ADRA1B: variants seen among roughly 807,000 people sequenced by gnomAD.
ADRA1B encodes alpha-1B adrenergic receptor.
ADRA1B carries 17 observed loss-of-function variants against 17.9 expected under a neutral mutation model. The observed-to-expected ratio is 0.95, with a 90% CI of 0.65 to 1.42. ADRA1B has a LOEUF of 1.42. ADRA1B is among the 40% of genes most tolerant of loss of function. The pLI, the probability that ADRA1B is intolerant of heterozygous loss-of-function variation, is 0.00. For synonymous variants in ADRA1B, 366 were observed against 327.6 expected (o/e 1.12, Z -1.27); for missense variants, 681 against 722.1 (o/e 0.94, Z 0.65).
chr5:159,900,645 A>C (rs1260748750), intron 1 of ADRA1B, among the ~76,000 whole-genome samples: 1 of 152,170 alleles, frequency 6.6e-6, no homozygotes, highest in African/African-American at 2.4e-5. Flanking sequence ...CCTGAGGGAG[A>C]GAGAGAGTCA....
At chr5:159,944,413 A>G (rs977177689) in intron 1 of ADRA1B, among the ~76,000 whole-genome samples, 4 of 152,264 alleles carry the variant, frequency 2.6e-5, no homozygotes, top group African/African-American at 4.8e-5. Flanking sequence ...GAAGTAGCAC[A>G]AGATCTCTGT....
At chr5:159,915,075 G>A (rs1183766469), upstream of ADRA1B, among the ~76,000 whole-genome samples, 1 of 152,196 alleles carries the variant, frequency 6.6e-6, no homozygotes, top group African/African-American at 2.4e-5. Flanking sequence ...CTCAATTCAT[G>A]GGAGTCCCTG....
At chr5:159,971,066 T>C (rs1385777782) in intron 1 of ADRA1B, among the ~76,000 whole-genome samples, 1 of 152,262 alleles carries the variant, frequency 6.6e-6, no homozygotes, top group Non-Finnish European at 1.5e-5. Context: ...TCTCCCAAAG[T>C]GCTGGGATTA....
intron 1 of ADRA1B, 88 bp downstream of exon 1, chr5:159,917,942 T>G (rs1754375954): frequency 1.8e-6 from 2 of 1,114,406 alleles, no homozygotes; most frequent in African/African-American, 3.1e-5. Context: ...TTGTGGGTTT[T>G]GTTTCTTATG....
chr5:159,981,507 T>C, the ADRA1B span, among the ~76,000 whole-genome samples: 8 of 152,326 alleles, frequency 5.3e-5, no homozygotes, highest in South Asian at 1.0e-3. Context: ...GTTTGTTTGC[T>C]TGTTTTAAGA....
intron 1 of ADRA1B, among the ~76,000 whole-genome samples, chr5:159,946,602 CA>C (rs1390876460): frequency 6.6e-6 from 1 of 152,166 alleles, no homozygotes; most frequent in Non-Finnish European, 1.5e-5. Flanking sequence ...TTTTCTAAAC[CA>C]AAAGTTGCAT....
intron 1 of ADRA1B, among the ~76,000 whole-genome samples, chr5:159,926,157 A>T (rs1462464539): frequency 1.3e-5 from 2 of 152,036 alleles, no homozygotes; most frequent in Admixed American, 1.3e-4. Flanking sequence ...TCCCAAATAC[A>T]CTTTGCATTT....
At chr5:159,987,552 C>G in the ADRA1B span, among the ~76,000 whole-genome samples, 1 of 152,250 alleles carries the variant, frequency 6.6e-6, no homozygotes, top group Non-Finnish European at 1.5e-5. Context: ...GCGCGCCACC[C>G]GCTGGCCAAC....
At chr5:159,910,154 A>G (rs764999208) in intron 1 of ADRA1B, among the ~76,000 whole-genome samples, 11 of 152,184 alleles carry the variant, frequency 7.2e-5, no homozygotes, top group Non-Finnish European at 1.5e-4. Context: ...TTCTTTGTTG[A>G]GTGTTTTTAC....
intron 1 of ADRA1B, among the ~76,000 whole-genome samples, chr5:159,925,202 A>G (rs142518602): frequency 6.6e-6 from 1 of 152,370 alleles, no homozygotes; most frequent in East Asian, 1.9e-4. Context: ...GCCAGAGTTT[A>G]TTCTAGAAGG....
upstream of ADRA1B, among the ~76,000 whole-genome samples, chr5:159,915,511 C>T (rs1024333317): frequency 2.1e-4 from 32 of 152,256 alleles, no homozygotes; most frequent in Non-Finnish European, 8.8e-5. Flanking sequence ...TTTGGGAGTG[C>T]GTCCCTGTGA....
At chr5:159,891,595 A>G (rs925329046) in intron 1 of ADRA1B, among the ~76,000 whole-genome samples, 30 of 152,134 alleles carry the variant, frequency 2.0e-4, no homozygotes, top group African/African-American at 7.0e-4. Context: ...CAGGAGCTGG[A>G]CGACTTGGAG....
intron 1 of ADRA1B, among the ~76,000 whole-genome samples, chr5:159,942,209 G>T (rs547571091): frequency 6.6e-6 from 1 of 152,070 alleles, no homozygotes; most frequent in Non-Finnish European, 1.5e-5. Flanking sequence ...GGCGTGAGCC[G>T]CCATGGCCGG....
At chr5:159,956,853 A>G in intron 1 of ADRA1B, among the ~76,000 whole-genome samples, 1 of 152,180 alleles carries the variant, frequency 6.6e-6, no homozygotes, top group East Asian at 1.9e-4. Context: ...CCACAAAAAT[A>G]TACCTAAAAT....
the ADRA1B span, among the ~76,000 whole-genome samples, chr5:159,985,039 G>A: frequency 1.3e-5 from 2 of 151,724 alleles, no homozygotes; most frequent in East Asian, 1.9e-4. Flanking sequence ...CTCCTCTTCC[G>A]ACACTACCCC....
intron 1 of ADRA1B, chr5:159,868,242 A>G (rs1248624467): frequency 3.9e-5 from 6 of 152,262 alleles, no homozygotes; most frequent in Admixed American, 2.0e-4. Context: ...TAAATTATGT[A>G]CAAATAAATC....
Position 159,956,693 on chromosome 5 carries a change from A to C in ADRA1B, c.950-15186A>C, listed in dbSNP as rs893780396. Among the ~76,000 whole-genome samples, 4 of 152,176 alleles carry C rather than the reference A, an allele frequency of 2.6e-5. No individual in the cohort carries two copies. In the South Asian group the frequency reaches 8.3e-4, roughly 32 times the overall value. ...ACGTAGGCTAAATTTCTGAATGTCA[A>C]ATACTTAGATCAAAAGCCATGCTCA... On this transcript the variant is annotated intron_variant, in intron 1 of 1. Coordinates refer to ENST00000306675, the MANE Select transcript of ADRA1B (RefSeq NM_000679.4).
At chr5:159,865,724 A>C (rs1753644670) in intron 1 of ADRA1B, among the ~76,000 whole-genome samples, 1 of 152,194 alleles carries the variant, frequency 6.6e-6, no homozygotes, top group South Asian at 2.1e-4. Context: ...CTTTTACGAC[A>C]TGCTTGTCAC....
intron 1 of ADRA1B, among the ~76,000 whole-genome samples, chr5:159,927,610 T>C (rs1754695747): frequency 6.6e-6 from 1 of 152,204 alleles, no homozygotes; most frequent in African/African-American, 2.4e-5. Context: ...GGTGACCATA[T>C]GTCCCATTTC....
Sources: allele counts gnomAD v4.1 joint callset (sites outside exome capture counted in the v4.1 genomes callset), GRCh38; gene constraint gnomAD v4.1.1; transcripts MANE v1.5; gene names NCBI Gene and HGNC (gene_info 2026-07-23, HGNC 2026-07-21).